Variants in SORCS1 observed in about 807,000 individuals in gnomAD.
The protein encoded by SORCS1 is sortilin related VPS10 domain containing receptor 1.
SORCS1 carries 60 observed loss-of-function variants against 146.1 expected under a neutral mutation model. That is an observed-to-expected ratio of 0.41 (90% CI 0.33 to 0.51). The LOEUF is 0.51. Among genes scored for constraint, SORCS1 ranks in the 20% least tolerant of loss-of-function variants. SORCS1 has a pLI of 0.21. For synonymous variants in SORCS1, 637 were observed against 584.0 expected (o/e 1.09, Z -1.31); for missense variants, 1,352 against 1,487.6 (o/e 0.91, Z 1.50).
At chr10:106,794,100 C>A (rs950964179) in intron 3 of SORCS1, among the ~76,000 whole-genome samples, 3 of 152,140 alleles carry the variant, frequency 2.0e-5, no homozygotes, top group Admixed American at 6.5e-5. Context: ...GACCAGCACC[C>A]GAGTTCTATT....
intron 2 of SORCS1, among the ~76,000 whole-genome samples, chr10:106,896,428 C>CAAA (rs781084783): frequency 1.8e-5 from 1 of 57,128 alleles, no homozygotes; most frequent in Admixed American, 1.9e-4. Context: ...GACTTTGTCT[C>CAAA]AAAAAAAAAA....
At chr10:106,786,584 A>G (rs982066493) in intron 3 of SORCS1, among the ~76,000 whole-genome samples, 21 of 152,240 alleles carry the variant, frequency 1.4e-4, no homozygotes, top group Admixed American at 1.2e-3. Context: ...ATTTTGCCAC[A>G]TGCTATTGGT....
At chr10:106,947,807 C>T (rs1000639771) in intron 2 of SORCS1, among the ~76,000 whole-genome samples, 31 of 150,318 alleles carry the variant, frequency 2.1e-4, no homozygotes, top group Non-Finnish European at 5.9e-5. Context: ...GAGAACATGC[C>T]ATCACTCTTC....
At chr10:107,034,525 G>C (rs1958802861) in intron 1 of SORCS1, among the ~76,000 whole-genome samples, 1 of 150,986 alleles carries the variant, frequency 6.6e-6, no homozygotes, top group African/African-American at 2.4e-5. Context: ...ATTAAAAATA[G>C]AAAAATTAGC....
intron 2 of SORCS1, among the ~76,000 whole-genome samples, chr10:106,870,300 T>C (rs963698972): frequency 1.3e-5 from 2 of 152,182 alleles, no homozygotes; most frequent in Non-Finnish European, 2.9e-5. Flanking sequence ...GTTATTCTTA[T>C]CAAACTACCA....
chr10:107,032,744 C>T (rs1226726026), intron 1 of SORCS1, among the ~76,000 whole-genome samples: 1 of 152,154 alleles, frequency 6.6e-6, no homozygotes, highest in African/African-American at 2.4e-5. Context: ...ATTGCTGAAA[C>T]TGTTCACTGA....
intron 1 of SORCS1, among the ~76,000 whole-genome samples, chr10:107,114,046 A>T (rs1339406439): frequency 2.0e-5 from 3 of 152,188 alleles, no homozygotes. Context: ...GATAACTTAG[A>T]GGAAATAAAT....
chr10:107,128,454 T>G (rs554071849), intron 1 of SORCS1, among the ~76,000 whole-genome samples: 2 of 152,302 alleles, frequency 1.3e-5, no homozygotes, highest in South Asian at 4.1e-4. Context: ...ATCAGTCCTG[T>G]AAGTGTTTGA....
intron 2 of SORCS1, among the ~76,000 whole-genome samples, chr10:106,930,681 T>C (rs992148301): frequency 6.6e-6 from 1 of 152,210 alleles, no homozygotes; most frequent in African/African-American, 2.4e-5. Context: ...TTGTTTTGGT[T>C]TTTTTCTTCA....
intron 6 of SORCS1, among the ~76,000 whole-genome samples, chr10:106,714,637 C>T (rs1261979023): frequency 1.3e-5 from 2 of 152,020 alleles, no homozygotes; most frequent in Non-Finnish European, 2.9e-5. Context: ...GTATATATAT[C>T]TATAAATGTA....
intron 3 of SORCS1, among the ~76,000 whole-genome samples, chr10:106,799,983 GA>G (rs2136629116): frequency 6.6e-6 from 1 of 152,326 alleles, no homozygotes; most frequent in African/African-American, 2.4e-5. Context: ...AGAAGTGACT[GA>G]AAGCAGAACT....
chr10:106,894,271 G>A (rs1436048338), intron 2 of SORCS1, among the ~76,000 whole-genome samples: 5 of 25,780 alleles, frequency 1.9e-4, no homozygotes, highest in African/African-American at 4.5e-4. Context: ...GCACGTGTGC[G>A]TGTGTGTGTG....
chr10:106,916,337 T>G (rs1472265437), intron 2 of SORCS1, among the ~76,000 whole-genome samples: 1 of 152,022 alleles, frequency 6.6e-6, no homozygotes, highest in African/African-American at 2.4e-5. Flanking sequence ...GAAAGTTGAT[T>G]GATGGCAATA....
chr10:106,647,914 C>T (rs1849567972), intron 18 of SORCS1, among the ~76,000 whole-genome samples: 1 of 152,196 alleles, frequency 6.6e-6, no homozygotes, highest in South Asian at 2.1e-4. Flanking sequence ...GTCAGCCAGG[C>T]TGGAGTGCTG....
intron 2 of SORCS1, among the ~76,000 whole-genome samples, chr10:106,948,025 G>T (rs1954448328): frequency 6.6e-6 from 1 of 152,054 alleles, no homozygotes; most frequent in African/African-American, 2.4e-5. Context: ...TACAAGCCTG[G>T]CCCATTTTTT....
At chr10:107,063,554 A>G (rs1001471440) in intron 1 of SORCS1, among the ~76,000 whole-genome samples, 2 of 152,218 alleles carry the variant, frequency 1.3e-5, no homozygotes, top group African/African-American at 4.8e-5. Context: ...AAGATGTTTA[A>G]TGCAATTTAA....
At chr10:106,741,475 G>A (rs762964198) in intron 5 of SORCS1, among the ~76,000 whole-genome samples, 6 of 152,150 alleles carry the variant, frequency 3.9e-5, no homozygotes, top group Non-Finnish European at 8.8e-5. Flanking sequence ...GCATGCACCT[G>A]TAATCCCAGC....
chr10:106,771,334 T>C (rs1860007082), intron 4 of SORCS1, among the ~76,000 whole-genome samples: 1 of 152,234 alleles, frequency 6.6e-6, no homozygotes. Context: ...GAGATGCCGT[T>C]GGAGGCAATG....
chr10:106,585,132 G>T (rs976149217), intron 24 of SORCS1, among the ~76,000 whole-genome samples: 5 of 151,822 alleles, frequency 3.3e-5, no homozygotes, highest in Admixed American at 2.6e-4. Context: ...GTTGAGGCAG[G>T]AGAATGGCAT....
Sources: gnomAD v4.1 joint callset for allele counts (sites outside exome capture counted in the v4.1 genomes callset) on GRCh38, gnomAD v4.1.1 for gene constraint, MANE v1.5 for transcripts, NCBI Gene and HGNC (gene_info 2026-07-23, HGNC 2026-07-21) for gene names.